TFG: variants seen among roughly 807,000 people sequenced by gnomAD.
TFG encodes protein TFG.
TFG carries 22 observed loss-of-function variants against 51.4 expected under a neutral mutation model. That is an observed-to-expected ratio of 0.43 (90% CI 0.31 to 0.61). The LOEUF is 0.61. Among genes scored for constraint, TFG ranks in the 20% least tolerant of loss-of-function variants. The pLI is 0.12. For synonymous variants in TFG, 187 were observed against 165.6 expected (o/e 1.13, Z -0.99); for missense variants, 419 against 487.7 (o/e 0.86, Z 1.33).
intron 3 of TFG, among the ~76,000 whole-genome samples, chr3:100,721,095 T>C (rs1427401977): frequency 3.3e-5 from 5 of 152,226 alleles, no homozygotes. Flanking sequence ...TTAAAATTAT[T>C]TAAAATAAAG....
chr3:100,727,051 G>C (rs1299607893), intron 3 of TFG, among the ~76,000 whole-genome samples: 1 of 152,214 alleles, frequency 6.6e-6, no homozygotes, highest in African/African-American at 2.4e-5. Context: ...GGTGTGGTCA[G>C]TGTTCTTGTT....
Position 100,732,538 on chromosome 3 carries a change from C to T in TFG, c.446C>T (p.Ala149Val). ...DTVDGREEKS[A>V]SDSSGKQSTQ... ...GTGGATGGTAGGGAAGAAAAGTCTG[C>T]TTCTGATTCTTCTGGAAAACAGTCT... is the stretch of plus-strand genomic sequence containing the variant. Residue 149 changes from alanine to valine, a missense_variant, in exon 5 of 8, where the codon GCT becomes GTT. This residue lies in a region of TFG where 391 missense variants were observed against 434.4 expected (regional missense o/e 0.90). Coordinates refer to ENST00000240851, the MANE Select transcript of TFG (RefSeq NM_006070.6). The T allele has an allele frequency of 6.2e-7, 1 of 1,611,370 alleles. No individual in the cohort carries two copies. Among genetic ancestry groups the T allele is most frequent in the African/African-American group, 1.3e-5 (1 of 74,830 alleles).
chr3:100,745,828 T>G (rs2095133310), intron 7 of TFG, among the ~76,000 whole-genome samples: 2 of 152,198 alleles, frequency 1.3e-5, no homozygotes, highest in Admixed American at 1.3e-4. Flanking sequence ...TGGAACACAC[T>G]TCTACTTTTA....
At chr3:100,721,559 T>TG (rs2095060867) in intron 3 of TFG, among the ~76,000 whole-genome samples, 1 of 152,184 alleles carries the variant, frequency 6.6e-6, no homozygotes, top group Admixed American at 6.5e-5. Context: ...ATAATTGTGG[T>TG]CCTTAGGTGA....
chr3:100,716,733 C>G (rs140393115), intron 2 of TFG, among the ~76,000 whole-genome samples: 166 of 152,240 alleles, frequency 1.1e-3, no homozygotes, highest in African/African-American at 3.7e-3. Context: ...ACCATCCTAA[C>G]TGGGGTGAAC....
rs571830968 is a variant in TFG at position 100,721,980 on chromosome 3, A to G, written c.268+1922A>G. 2.3e-3 allele frequency among the ~76,000 whole-genome samples: 354 copies of G among 152,290 alleles called. 2 individuals are homozygous for G. The highest frequency in any genetic ancestry group is 8.1e-3 in the African/African-American group (335 of 41,570). On this transcript the variant is annotated intron_variant, in intron 3 of 7. Coordinates refer to ENST00000240851, the MANE Select transcript of TFG (RefSeq NM_006070.6). ...AGCCTGAGCAACACGGTAAAACCCT[A>G]TCTCTACTGAAATGCAAAAAATTAG... is the stretch of plus-strand genomic sequence containing the variant.
rs116722727 is a variant in TFG at position 100,715,438 on chromosome 3, A to G, written c.184+1569A>G. On this transcript the variant is annotated intron_variant, in intron 2 of 7. Transcript: ENST00000240851. ...AGTTACATGGCTTTGCTAAGATGCA[A>G]ATGGGTTGGGAAGTATAGTCCCTGG... 4.4e-3 allele frequency among the ~76,000 whole-genome samples: 667 copies of G among 152,318 alleles called. 6 individuals carry two copies. Among genetic ancestry groups the G allele is most frequent in the African/African-American group, 0.015 (637 of 41,556 alleles).
chr3:100,745,396 G>C (rs1205771535), intron 7 of TFG, among the ~76,000 whole-genome samples: 2 of 152,078 alleles, frequency 1.3e-5, no homozygotes, highest in East Asian at 1.9e-4. Context: ...AAAATCTCTT[G>C]CAAGTATGTA....
chr3:100,715,117 T>C (rs1017138222), intron 2 of TFG, among the ~76,000 whole-genome samples: 3 of 152,230 alleles, frequency 2.0e-5, no homozygotes, highest in Non-Finnish European at 4.4e-5. Context: ...CTTAACCTAG[T>C]TTTCTTATCA....
rs35495062 is a variant in TFG at position 100,745,179 on chromosome 3, GTT to G, written c.820+252_820+253del. Among the ~76,000 whole-genome samples the G allele has an allele frequency of 0.37, 56,455 of 151,828 alleles. 10,689 individuals are homozygous for G. The highest frequency in any genetic ancestry group is 0.49 in the South Asian group (2,342 of 4,816). ...TCTGCAGTAACTTGTAGTATAAAAAGTTTTTAATACAAAGCTGTCTTACTAAC... is the reference window on the plus strand; with the variant it reads ...TCTGCAGTAACTTGTAGTATAAAAAGTTTAATACAAAGCTGTCTTACTAAC... On this transcript the variant is annotated intron_variant, in intron 7 of 7. Transcript: ENST00000240851.
chr3:100,725,928 A>C (rs191619136), intron 3 of TFG, among the ~76,000 whole-genome samples: 1 of 152,346 alleles, frequency 6.6e-6, no homozygotes, highest in East Asian at 1.9e-4. Flanking sequence ...TATGTGTGCT[A>C]GGGTTCTCCA....
chr3:100,722,552 G>A (rs2095063762), intron 3 of TFG, among the ~76,000 whole-genome samples: 1 of 152,316 alleles, frequency 6.6e-6, no homozygotes, highest in East Asian at 1.9e-4. Flanking sequence ...GCAGGGATAA[G>A]TAAAAGTAAA....
rs1485522827 is a variant in TFG at position 100,728,662 on chromosome 3, T to A, written c.269-50T>A. The A allele has an allele frequency of 2.1e-6, 3 of 1,443,274 alleles. No homozygotes were observed. In the African/African-American group the frequency reaches 4.4e-5, roughly 21 times the overall value. The allele number at this position is 1,443,274 out of a possible 1,614,324, so 89.4% of individuals were successfully genotyped here. ...TTTTCCTTGTTGCATATTATTAGTA[T>A]ACTTATTCATGAACTTCTAATTTTA... On this transcript the variant is annotated intron_variant, in intron 3 of 7. Transcript: ENST00000240851.
intron 3 of TFG, among the ~76,000 whole-genome samples, chr3:100,721,997 A>G (rs1179156521): frequency 1.3e-5 from 2 of 152,190 alleles, no homozygotes; most frequent in Non-Finnish European, 2.9e-5. Flanking sequence ...CTGAAATGCA[A>G]AAAATTAGCC....
intron 1 of TFG, among the ~76,000 whole-genome samples, chr3:100,713,001 G>C (rs80254166): frequency 0.026 from 4,013 of 152,278 alleles, 177 homozygotes; most frequent in African/African-American, 0.091. Context: ...TATAGGTCTT[G>C]CTTTTTGGGA....
In TFG at chr3:100,744,865, G is replaced by A. The variant is rs561904697; in HGVS notation, c.754G>A (p.Gly252Ser). The A allele has an allele frequency of 3.2e-5, 52 of 1,613,376 alleles. No individual in the cohort carries two copies. The highest frequency in any genetic ancestry group is 3.0e-4 in the South Asian group (27 of 90,972). ...GTACCAACAGTACCAGCAACAGGCC[G>A]GCTATGGTGCACAGCAGCCGCAGGC... ...QMYQQYQQQA[G>S]YGAQQPQAPP... Residue 252 changes from glycine to serine, a missense_variant, in exon 7 of 8, where the codon GGC becomes AGC. By Grantham distance (56) the Gly-to-Ser change is moderately conservative. Transcript: ENST00000240851.
Position 100,713,694 on chromosome 3 carries a change from A to G in TFG, c.9A>G (p.Gly3=). The change falls in exon 2 of 8, where the codon GGA becomes GGG. Residue 3 remains glycine (G), a synonymous_variant. Transcript: ENST00000240851. ...ACATCCTGGAGTCCACCATGAACGG[A>G]CAGTTGGATCTAAGTGGGAAGCTAA... MN[G]QLDLSGKLII... The G allele has an allele frequency of 6.2e-7, 1 of 1,601,084 alleles. No individual in the cohort carries two copies. The highest frequency in any genetic ancestry group is 8.5e-7 in the Non-Finnish European group (1 of 1,171,912).
intron 5 of TFG, among the ~76,000 whole-genome samples, chr3:100,733,974 A>G (rs2095098830): frequency 6.6e-6 from 1 of 152,188 alleles, no homozygotes; most frequent in African/African-American, 2.4e-5. Flanking sequence ...ATTGTTGGCT[A>G]CAAAGATCAT....
intron 3 of TFG, 51 bp from the exon 4 acceptor site, chr3:100,728,661 A>G (rs778631802): frequency 7.0e-7 from 1 of 1,430,948 alleles, no homozygotes; most frequent in Non-Finnish European, 9.4e-7. Flanking sequence ...TATTATTAGT[A>G]TACTTATTCA....
Sources: gnomAD v4.1 joint callset for allele counts (sites outside exome capture counted in the v4.1 genomes callset) on GRCh38, gnomAD v4.1.1 for gene constraint, gnomAD v4.1.1 regional missense constraint, MANE v1.5 for transcripts, NCBI Gene and HGNC (gene_info 2026-07-23, HGNC 2026-07-21) for gene names.